Variants in NPAS3 observed in about 807,000 individuals in gnomAD.
NPAS3 encodes neuronal PAS domain protein 3, also known as neuronal PAS domain-containing protein 3.
In NPAS3, 14 loss-of-function variants were observed where a neutral mutation model predicts 73.1. That is an observed-to-expected ratio of 0.19 (90% CI 0.13 to 0.30). The LOEUF is 0.30. Among genes scored for constraint, NPAS3 ranks in the 10% least tolerant of loss-of-function variants. NPAS3 has a pLI of 1.00. For synonymous variants in NPAS3, 620 were observed against 541.5 expected, an observed-to-expected ratio of 1.14 and a Z score of -2.01; for missense variants, 1,096 against 1,250.0, an observed-to-expected ratio of 0.88 and a Z score of 1.86.
At chr14:33,780,770 G>A (rs1471996434) in intron 9 of NPAS3, 1 of 378,276 alleles carries the variant, frequency 2.6e-6, no homozygotes, top group Non-Finnish European at 5.2e-6. Flanking sequence ...AGAATAATTT[G>A]AGAGTGCTGA....
At chr14:33,272,516 A>T (rs974733227) in intron 3 of NPAS3, among the ~76,000 whole-genome samples, 1 of 152,088 alleles carries the variant, frequency 6.6e-6, no homozygotes, top group Non-Finnish European at 1.5e-5. Context: ...TCCCAGATTC[A>T]AGCAATTCTC....
At chr14:33,077,147 T>G (rs1445550887) in intron 2 of NPAS3, among the ~76,000 whole-genome samples, 2 of 152,072 alleles carry the variant, frequency 1.3e-5, no homozygotes, top group Non-Finnish European at 2.9e-5. Context: ...ATAGAATACC[T>G]AAAAAGGTGA....
rs183139873 is a variant in NPAS3 at position 33,573,627 on chromosome 14, G to A, written c.558+13417G>A. On this transcript the variant is annotated intron_variant, in intron 5 of 11. Coordinates refer to ENST00000356141, the Ensembl canonical transcript of NPAS3. ...GCATGTATGCAAAGCTATTTCTTAT[G>A]GGAGAGATGAGTCTGGAAAGTTAGG... Among the ~76,000 whole-genome samples, 7 of 152,324 alleles carry A rather than the reference G, an allele frequency of 4.6e-5. No individual in the cohort carries two copies. The East Asian group carries it at 7.7e-4, about 17-fold the overall frequency.
chr14:33,622,741 A>AT (rs1180667428), intron 5 of NPAS3, among the ~76,000 whole-genome samples: 1 of 152,216 alleles, frequency 6.6e-6, no homozygotes, highest in Non-Finnish European at 1.5e-5. Context: ...TCAAATTGTA[A>AT]AAAGCTTTGA....
At chr14:33,093,712 A>G (rs2042308741) in intron 2 of NPAS3, among the ~76,000 whole-genome samples, 1 of 152,202 alleles carries the variant, frequency 6.6e-6, no homozygotes, top group Non-Finnish European at 1.5e-5. Flanking sequence ...AAGACTTGGA[A>G]TCGACCCAAA....
intron 1 of NPAS3, among the ~76,000 whole-genome samples, chr14:33,004,817 C>CTTTTTTTTTTCTTTTTTTTTTTTTTTTTT (rs2038933508): frequency 1.6e-5 from 1 of 63,998 alleles, no homozygotes; most frequent in East Asian, 4.9e-4. Context: ...AAAAGTTTTC[C>CTTTTTTTTTTCTTTTTTTTTTTTTTTTTT]TTTTTTTTTT....
chr14:33,033,117 T>C (rs2040050508), intron 1 of NPAS3, among the ~76,000 whole-genome samples: 1 of 152,200 alleles, frequency 6.6e-6, no homozygotes, highest in Non-Finnish European at 1.5e-5. Flanking sequence ...CAAAACATTT[T>C]GAAAAGTAGA....
chr14:33,178,020 T>G (rs1266682127), intron 2 of NPAS3, among the ~76,000 whole-genome samples: 1 of 152,170 alleles, frequency 6.6e-6, no homozygotes, highest in Non-Finnish European at 1.5e-5. Flanking sequence ...TATCAGCTTT[T>G]TCATTTCTCC....
chr14:33,194,595 G>A (rs1304261559), intron 2 of NPAS3, among the ~76,000 whole-genome samples: 1 of 152,104 alleles, frequency 6.6e-6, no homozygotes, highest in Non-Finnish European at 1.5e-5. Context: ...AGTAATTACA[G>A]ATATTATACA....
intron 7 of NPAS3, among the ~76,000 whole-genome samples, chr14:33,750,868 A>G (rs2061944022): frequency 6.6e-6 from 1 of 152,208 alleles, no homozygotes; most frequent in Non-Finnish European, 1.5e-5. Flanking sequence ...TTCCAAGGGC[A>G]ACGGGATAAA....
chr14:32,963,956 T>G (rs1313859557), intron 1 of NPAS3, among the ~76,000 whole-genome samples: 1 of 151,762 alleles, frequency 6.6e-6, no homozygotes, highest in African/African-American at 2.4e-5. Context: ...GAAGATTCAG[T>G]TTTTCGCTAT....
At chr14:33,752,246 A>AT (rs1013489101) in intron 7 of NPAS3, among the ~76,000 whole-genome samples, 28 of 151,600 alleles carry the variant, frequency 1.8e-4, no homozygotes, top group African/African-American at 6.3e-4. Context: ...ATTTTATTTT[A>AT]TTTTTTTTCT....
At chr14:33,508,314 G>C (rs117225181) in intron 4 of NPAS3, among the ~76,000 whole-genome samples, 1 of 152,064 alleles carries the variant, frequency 6.6e-6, no homozygotes, top group Non-Finnish European at 1.5e-5. Flanking sequence ...ACGCCTTCCA[G>C]ATGCATTACC....
chr14:33,105,238 C>T (rs150757549), intron 2 of NPAS3, among the ~76,000 whole-genome samples: 8 of 152,206 alleles, frequency 5.3e-5, no homozygotes, highest in Non-Finnish European at 1.2e-4. Context: ...AACCAAGTGA[C>T]GCTTTGCTCT....
intron 3 of NPAS3, among the ~76,000 whole-genome samples, chr14:33,289,772 A>C (rs2042022127): frequency 6.6e-6 from 1 of 151,498 alleles, no homozygotes; most frequent in African/African-American, 2.4e-5. Context: ...CGTTGAGCCG[A>C]GATTGCACCA....
At chr14:33,671,844 AC>A (rs772212566) in intron 5 of NPAS3, among the ~76,000 whole-genome samples, 37 of 152,210 alleles carry the variant, frequency 2.4e-4, no homozygotes, top group Non-Finnish European at 4.3e-4. Context: ...CATAAACAGA[AC>A]ATGGATTTTT....
chr14:33,312,297 G>T (rs2043034402), intron 3 of NPAS3, among the ~76,000 whole-genome samples: 1 of 151,982 alleles, frequency 6.6e-6, no homozygotes. Flanking sequence ...TTGTAAAGAT[G>T]TATTTCTAGA....
intron 2 of NPAS3, among the ~76,000 whole-genome samples, chr14:33,111,986 A>G (rs543395021): frequency 9.3e-4 from 141 of 152,232 alleles, no homozygotes; most frequent in African/African-American, 3.3e-3. Context: ...ATGTCCCTAC[A>G]AAGGACATGG....
chr14:33,470,530 A>T (rs1170283488), intron 4 of NPAS3, among the ~76,000 whole-genome samples: 4 of 152,166 alleles, frequency 2.6e-5, no homozygotes, highest in Admixed American at 6.5e-5. Context: ...GATAGAAATA[A>T]CCAAGGAATA....
Sources: allele counts gnomAD v4.1 joint callset (sites outside exome capture counted in the v4.1 genomes callset), GRCh38; gene constraint gnomAD v4.1.1; transcripts MANE v1.5; gene names NCBI Gene and HGNC (gene_info 2026-07-23, HGNC 2026-07-21).